Variants in GPR39 observed in about 807,000 individuals in gnomAD.
The protein encoded by GPR39 is G protein-coupled receptor 39, also known as zinc sensing receptor.
A neutral mutation model predicts 18.4 loss-of-function variants in GPR39; 23 were observed. That is an observed-to-expected ratio of 1.25 (90% CI 0.90 to 1.77). The LOEUF is 1.77. Ranked by LOEUF, GPR39 falls within the 40% of genes most tolerant of loss-of-function variation. The pLI, the probability that GPR39 is intolerant of heterozygous loss-of-function variation, is 0.00. For missense variants in GPR39, 647 were observed against 602.4 expected (o/e 1.07, Z -0.78); for synonymous variants, 280 against 257.9 (o/e 1.09, Z -0.82).
At chr2:132,627,158 G>A (rs1681563251) in intron 1 of GPR39, among the ~76,000 whole-genome samples, 1 of 152,118 alleles carries the variant, frequency 6.6e-6, no homozygotes, top group Non-Finnish European at 1.5e-5. Flanking sequence ...GTTCATCACG[G>A]AGGGGACTGG....
chr2:132,424,803 C>T (rs983766551), intron 1 of GPR39, among the ~76,000 whole-genome samples: 4 of 152,164 alleles, frequency 2.6e-5, no homozygotes, highest in African/African-American at 9.7e-5. Flanking sequence ...ACAGACAACC[C>T]TTCATTGGAA....
intron 1 of GPR39, among the ~76,000 whole-genome samples, chr2:132,625,367 A>T (rs554143907): frequency 6.6e-6 from 1 of 152,158 alleles, no homozygotes; most frequent in South Asian, 2.1e-4. Flanking sequence ...GTTTTGTAGG[A>T]ATACTTTATA....
intron 1 of GPR39, among the ~76,000 whole-genome samples, chr2:132,534,740 C>T (rs1463971984): frequency 1.3e-5 from 2 of 150,880 alleles, no homozygotes; most frequent in Admixed American, 6.6e-5. Flanking sequence ...ATCGCAAGGA[C>T]AAAAAACTAA....
intron 1 of GPR39, among the ~76,000 whole-genome samples, chr2:132,558,911 C>T (rs1310048950): frequency 6.6e-6 from 1 of 152,160 alleles, no homozygotes; most frequent in Non-Finnish European, 1.5e-5. Flanking sequence ...AAAAAAGCTC[C>T]TCTTCAGTTG....
Position 132,577,189 on chromosome 2 carries a change from T to C in GPR39, c.857-67912T>C, listed in dbSNP as rs1680544281. ...CTGGGCAACACGGTGAAACCCCATC[T>C]CTACAAAAAATACAAAAATTAACCA... is the stretch of plus-strand genomic sequence containing the variant. On this transcript the variant is annotated intron_variant, in intron 1 of 1. Coordinates refer to ENST00000329321, the MANE Select transcript of GPR39 (RefSeq NM_001508.3). Among the ~76,000 whole-genome samples, 4 of 152,002 alleles carry C rather than the reference T, an allele frequency of 2.6e-5. No homozygotes were observed. In the South Asian group the frequency reaches 8.3e-4, roughly 32 times the overall value.
chr2:132,559,595 G>A (rs1032257739), intron 1 of GPR39, among the ~76,000 whole-genome samples: 2 of 151,994 alleles, frequency 1.3e-5, no homozygotes, highest in Non-Finnish European at 2.9e-5. Flanking sequence ...CAGCTCTCCC[G>A]GCCAGGTCTT....
intron 1 of GPR39, among the ~76,000 whole-genome samples, chr2:132,508,278 C>T (rs1679172397): frequency 1.3e-5 from 2 of 152,172 alleles, no homozygotes; most frequent in South Asian, 2.1e-4. Context: ...TTATACAACA[C>T]AGTCATCCTG....
chr2:132,518,635 G>C (rs1245438820), intron 1 of GPR39, among the ~76,000 whole-genome samples: 1 of 151,888 alleles, frequency 6.6e-6, no homozygotes, highest in East Asian at 1.9e-4. Context: ...TGAATTTTCT[G>C]GTCTAAACTG....
At chr2:132,609,555 A>C (rs1553459981) in intron 1 of GPR39, among the ~76,000 whole-genome samples, 1 of 152,162 alleles carries the variant, frequency 6.6e-6, no homozygotes, top group Non-Finnish European at 1.5e-5. Context: ...CTAGGCAGGG[A>C]TGCAAAGGCC....
intron 1 of GPR39, among the ~76,000 whole-genome samples, chr2:132,639,489 A>AT (rs1444456442): frequency 2.0e-5 from 3 of 152,182 alleles, no homozygotes; most frequent in Non-Finnish European, 2.9e-5. Flanking sequence ...AAAAGCTAAT[A>AT]TTGGGAATTT....
chr2:132,430,106 G>A (rs980082339), intron 1 of GPR39, among the ~76,000 whole-genome samples: 4 of 152,216 alleles, frequency 2.6e-5, no homozygotes, highest in Non-Finnish European at 5.9e-5. Context: ...GCAGAGAGAG[G>A]CAGTGTGAGG....
intron 1 of GPR39, among the ~76,000 whole-genome samples, chr2:132,509,889 C>G (rs952081852): frequency 6.6e-6 from 1 of 152,138 alleles, no homozygotes; most frequent in Non-Finnish European, 1.5e-5. Context: ...ATGGATAATT[C>G]ATGGGCAAAG....
intron 1 of GPR39, chr2:132,488,594 C>G (rs912263671): frequency 6.5e-6 from 1 of 152,922 alleles, no homozygotes; most frequent in African/African-American, 2.4e-5. Context: ...TGGATGAATT[C>G]TCAGCTTTTG....
chr2:132,427,093 ATATAGGTACATATATATATAATATACAT>A (rs1306282975), intron 1 of GPR39, among the ~76,000 whole-genome samples: 1 of 142,042 alleles, frequency 7.0e-6, no homozygotes, highest in African/African-American at 2.6e-5. Context: ...TAATATACAT[ATATAGGTACATATATATATAATATACAT>A]ATATAGGTAC....
chr2:132,427,074 C>CTA lies in GPR39; in HGVS notation c.856+9185_856+9186dup, dbSNP rs1281669559. On this transcript the variant is annotated intron_variant, in intron 1 of 1. Transcript: ENST00000329321. The stretch of plus-strand genomic sequence containing the variant: ...CATTTGAATATATATATATATGTAC[C>CTA]TATATATATAATATACATATATAGG... Among the ~76,000 whole-genome samples the CTA allele has an allele frequency of 5.2e-5, 6 of 114,812 alleles. No individual in the cohort carries two copies. The South Asian group carries it at 1.1e-3, about 22-fold the overall frequency. 75.3% of individuals were successfully genotyped at this position (114,812 alleles called of 152,430 possible).
intron 1 of GPR39, among the ~76,000 whole-genome samples, chr2:132,551,428 T>C (rs1308516000): frequency 6.6e-6 from 1 of 152,192 alleles, no homozygotes; most frequent in Non-Finnish European, 1.5e-5. Flanking sequence ...GCTTGACACA[T>C]AATCAGGAGC....
intron 1 of GPR39, among the ~76,000 whole-genome samples, chr2:132,492,180 C>A (rs1158503377): frequency 7.0e-6 from 1 of 142,968 alleles, no homozygotes; most frequent in East Asian, 2.1e-4. Flanking sequence ...CATATATACA[C>A]CATATATATA....
At chr2:132,452,673 T>C (rs535739485) in intron 1 of GPR39, among the ~76,000 whole-genome samples, 1 of 143,708 alleles carries the variant, frequency 7.0e-6, no homozygotes, top group South Asian at 2.3e-4. Flanking sequence ...TTCCCTGTCC[T>C]GTGTCCAAGT....
In GPR39 at chr2:132,496,803, G is replaced by A. The variant is rs1681649859; in HGVS notation, c.856+78905G>A. 1.3e-5 allele frequency among the ~76,000 whole-genome samples: 2 copies of A among 152,224 alleles called. 1 individual carries two copies. Among genetic ancestry groups the A allele is most frequent in the South Asian group, 4.1e-4 (2 of 4,834 alleles). On this transcript the variant is annotated intron_variant, in intron 1 of 1. Coordinates refer to ENST00000329321, the MANE Select transcript of GPR39 (RefSeq NM_001508.3). ...CGCAGCAATATGGCCTATGCACCCT[G>A]TGCCAGGAGCCATTAGCAGCCTTGA...
Sources: allele counts gnomAD v4.1 joint callset (sites outside exome capture counted in the v4.1 genomes callset), GRCh38; gene constraint gnomAD v4.1.1; transcripts MANE v1.5; gene names NCBI Gene and HGNC (gene_info 2026-07-23, HGNC 2026-07-21).